The following SLC2A13 variants were observed in gnomAD, a reference collection of about 807,000 sequenced individuals.
The protein encoded by SLC2A13 is proton myo-inositol cotransporter.
A neutral mutation model predicts 64.4 loss-of-function variants in SLC2A13; 32 were observed. The observed-to-expected ratio is 0.50, with a 90% CI of 0.37 to 0.67. The LOEUF is 0.67. SLC2A13 is among the 30% of genes least tolerant of loss of function. The pLI is 0.00. For synonymous variants in SLC2A13, 338 were observed against 327.1 expected, an observed-to-expected ratio of 1.03 and a Z score of -0.36; for missense variants, 743 against 829.2, an observed-to-expected ratio of 0.90 and a Z score of 1.28.
Position 39,978,372 on chromosome 12 carries a change from T to C in SLC2A13, c.926-27007A>G, listed in dbSNP as rs572782397. Reference sequence around the variant, plus strand: ...AGTCTACAGCTCCCAGCGTAAGCGATGCAGAAGACGGGTGATTTCTGCATT... The same window carrying C: ...AGTCTACAGCTCCCAGCGTAAGCGACGCAGAAGACGGGTGATTTCTGCATT... On this transcript the variant is annotated intron_variant, in intron 3 of 9. Coordinates refer to ENST00000280871, the MANE Select transcript of SLC2A13 (RefSeq NM_052885.4). Among the ~76,000 whole-genome samples, 641 of 152,296 alleles carry C rather than the reference T, an allele frequency of 4.2e-3. 3 individuals carry two copies. The highest frequency in any genetic ancestry group is 7.8e-3 in the Non-Finnish European group (532 of 68,014).
At chr12:40,018,224 T>A (rs1292375342) in intron 3 of SLC2A13, among the ~76,000 whole-genome samples, 2 of 152,206 alleles carry the variant, frequency 1.3e-5, no homozygotes, top group African/African-American at 4.8e-5. Flanking sequence ...CACACTCCTT[T>A]TTAAAATACA....
At chr12:39,968,093 C>T (rs1946556109) in intron 3 of SLC2A13, among the ~76,000 whole-genome samples, 1 of 152,112 alleles carries the variant, frequency 6.6e-6, no homozygotes, top group African/African-American at 2.4e-5. Flanking sequence ...TAAAGACATA[C>T]CCGAGATTGG....
At chr12:40,096,687 G>C (rs141225603) in intron 1 of SLC2A13, among the ~76,000 whole-genome samples, 1 of 151,846 alleles carries the variant, frequency 6.6e-6, no homozygotes, top group Non-Finnish European at 1.5e-5. Flanking sequence ...CTGGAATTCT[G>C]ATTCTGTTCC....
rs1948198995 is a variant in SLC2A13, at chr12:40,048,192, A to C, written c.575T>G (p.Val192Gly). 1.2e-6 allele frequency: 2 copies of C among 1,606,942 alleles called. No individual in the cohort carries two copies. The highest frequency in any genetic ancestry group is 2.7e-5 in the African/African-American group (2 of 74,494). Residue 192 changes from valine to glycine, a missense_variant, in exon 2 of 10, where the codon GTG becomes GGG. Transcript: ENST00000280871. ...GLGIGIASMT[V>G]PVYIAEVSPP... ...TGAGACCTCCGCAATGTACACTGGCACTGTCATAGAAGCAATGCCTATAAA... is the reference window on the plus strand; with the variant it reads ...TGAGACCTCCGCAATGTACACTGGCCCTGTCATAGAAGCAATGCCTATAAA...
intron 3 of SLC2A13, among the ~76,000 whole-genome samples, chr12:39,982,575 C>G (rs1946928400): frequency 6.7e-6 from 1 of 150,374 alleles, no homozygotes; most frequent in Non-Finnish European, 1.5e-5. Context: ...CTCCCATTCA[C>G]AACTGCTTCA....
Position 39,759,861 on chromosome 12 carries a change from GTCA to G in SLC2A13, c.*162_*164del. On this transcript the variant is annotated 3_prime_UTR_variant, in exon 10 of 10. Transcript: ENST00000280871. ...ATATTGTTCCTTGTGGAAAAAAAAA[GTCA>G]TCATGGTTGTATCTTCCTCCTAATC... 1.8e-6 allele frequency: 1 copy of G among 566,130 alleles called. No homozygotes were observed. The highest frequency in any genetic ancestry group is 3.1e-6 in the Non-Finnish European group (1 of 322,434). The allele number at this position is 566,130 out of a possible 1,614,324, so 35.1% of individuals were successfully genotyped here. A position where few individuals can be genotyped will look rare whatever the true frequency, so the allele number is the denominator to read the frequency against.
At chr12:40,023,983 C>T (rs1947763233) in intron 3 of SLC2A13, among the ~76,000 whole-genome samples, 1 of 152,166 alleles carries the variant, frequency 6.6e-6, no homozygotes, top group South Asian at 2.1e-4. Flanking sequence ...TTGAGCTTAC[C>T]ACAGCTGCTT....
At chr12:40,060,899 A>C (rs1482203931) in intron 1 of SLC2A13, among the ~76,000 whole-genome samples, 1 of 152,190 alleles carries the variant, frequency 6.6e-6, no homozygotes, top group Non-Finnish European at 1.5e-5. Flanking sequence ...CATAAATGCA[A>C]GCTCAAGAGA....
At chr12:39,838,338 T>A in intron 6 of SLC2A13, among the ~76,000 whole-genome samples, 1 of 89,148 alleles carries the variant, frequency 1.1e-5, no homozygotes. Context: ...CTGGGGACTG[T>A]GGTGGGGTGG....
chr12:40,075,754 CCTA>C (rs1342464293), intron 1 of SLC2A13, among the ~76,000 whole-genome samples: 1 of 152,076 alleles, frequency 6.6e-6, no homozygotes, highest in African/African-American at 2.4e-5. Context: ...CAAATATTGT[CCTA>C]CAAGTCCTTA....
At chr12:39,826,854 ATTTTTTT>A (rs63699664) in intron 7 of SLC2A13, among the ~76,000 whole-genome samples, 1 of 67,416 alleles carries the variant, frequency 1.5e-5, no homozygotes, top group Non-Finnish European at 2.5e-5. Flanking sequence ...GTCTCTTTCA[ATTTTTTT>A]TTTTTTTTTT....
At chr12:40,075,509 C>A (rs1938136278) in intron 1 of SLC2A13, among the ~76,000 whole-genome samples, 1 of 152,106 alleles carries the variant, frequency 6.6e-6, no homozygotes, top group East Asian at 1.9e-4. Flanking sequence ...AGACTGGTGA[C>A]TACAAGCTCC....
At chr12:39,765,004 C>A (rs1350736402) in intron 7 of SLC2A13, 146 bp from the exon 8 acceptor site, 1 of 932,450 alleles carries the variant, frequency 1.1e-6, no homozygotes, top group African/African-American at 1.7e-5. Flanking sequence ...ACTAAATATA[C>A]AGTATTAGAT....
intron 4 of SLC2A13, among the ~76,000 whole-genome samples, chr12:39,902,837 A>T (rs1945168924): frequency 6.6e-6 from 1 of 152,126 alleles, no homozygotes; most frequent in East Asian, 1.9e-4. Flanking sequence ...GCAGTCTCAC[A>T]TTCAAACTCA....
chr12:40,017,679 G>A (rs1408317153), intron 3 of SLC2A13, among the ~76,000 whole-genome samples: 4 of 152,126 alleles, frequency 2.6e-5, no homozygotes, highest in Non-Finnish European at 4.4e-5. Context: ...CTCTTTTGGT[G>A]CCCCATTAGA....
intron 3 of SLC2A13, among the ~76,000 whole-genome samples, chr12:39,968,629 C>T (rs902847665): frequency 1.3e-5 from 2 of 151,806 alleles, no homozygotes; most frequent in African/African-American, 4.8e-5. Flanking sequence ...TCCCTCTATC[C>T]CAAGTCTACC....
chr12:39,812,230 G>A (rs531163852), intron 7 of SLC2A13, among the ~76,000 whole-genome samples: 1 of 152,042 alleles, frequency 6.6e-6, no homozygotes, highest in African/African-American at 2.4e-5. Context: ...TCTATCTGGG[G>A]CCCCTTTATA....
intron 1 of SLC2A13, among the ~76,000 whole-genome samples, chr12:40,063,202 A>G (rs1171106331): frequency 6.6e-6 from 1 of 152,134 alleles, no homozygotes; most frequent in Non-Finnish European, 1.5e-5. Flanking sequence ...CATTTCAATA[A>G]CTAAAAATCT....
intron 3 of SLC2A13, among the ~76,000 whole-genome samples, chr12:39,987,609 C>A (rs1027374627): frequency 6.6e-6 from 1 of 152,162 alleles, no homozygotes; most frequent in Non-Finnish European, 1.5e-5. Context: ...AGACCATGAT[C>A]TTTATACATT....
Sources: allele counts gnomAD v4.1 joint callset (sites outside exome capture counted in the v4.1 genomes callset), GRCh38; gene constraint gnomAD v4.1.1; transcripts MANE v1.5; gene names NCBI Gene and HGNC (gene_info 2026-07-23, HGNC 2026-07-21).